AFAP1: variants seen among roughly 807,000 people sequenced by gnomAD.
AFAP1 encodes the protein actin filament associated protein 1.
In AFAP1, 75 loss-of-function variants were observed where a neutral mutation model predicts 93.9. That is an observed-to-expected ratio of 0.80 (90% CI 0.66 to 0.97). The LOEUF (loss-of-function observed/expected upper bound fraction) is 0.97. Ranked by LOEUF, AFAP1 falls within the 50% of genes least tolerant of loss-of-function variation. AFAP1 has a pLI of 0.00. For synonymous variants in AFAP1, 517 were observed against 430.7 expected (o/e 1.20, Z -2.48); for missense variants, 1,201 against 1,050.8 (o/e 1.14, Z -1.98).
chr4:7,827,154 G>C (rs1008483002), intron 6 of AFAP1, among the ~76,000 whole-genome samples: 1 of 152,120 alleles, frequency 6.6e-6, no homozygotes, highest in African/African-American at 2.4e-5. Context: ...GTAAGCCCGA[G>C]TACAGGTAAA....
intron 11 of AFAP1, among the ~76,000 whole-genome samples, chr4:7,791,739 T>G (rs919540335): frequency 2.6e-5 from 4 of 151,192 alleles, no homozygotes; most frequent in Non-Finnish European, 5.9e-5. Flanking sequence ...TGTAGTCCCA[T>G]TTGCTTAGGA....
chr4:7,780,453 T>C (rs1006737580), intron 13 of AFAP1, among the ~76,000 whole-genome samples: 15 of 152,252 alleles, frequency 9.9e-5, no homozygotes, highest in African/African-American at 3.6e-4. Flanking sequence ...GCCCATTTGC[T>C]ATATATTCAT....
rs1180322826 is a variant in AFAP1 at position 7,768,871 on chromosome 4, G to A, written c.2391C>T (p.Cys797=). ...TGGCCTTCCGCAGCACATGCCCTCG[G>A]CAGGGGGAGCTGCCCGGGGCAGCCT... is the stretch of plus-strand genomic sequence containing the variant. ...KSQAAPGSSP[C]RGHVLRKAKE... Residue 797 remains cysteine (C), a synonymous_variant, in exon 17 of 18, where the codon TGC becomes TGT. Coordinates refer to ENST00000420658, the MANE Select transcript of AFAP1 (RefSeq NM_001134647.2). The A allele has an allele frequency of 6.2e-7, 1 of 1,607,226 alleles. No homozygotes were observed. Among genetic ancestry groups the A allele is most frequent in the Middle Eastern group, 1.7e-4 (1 of 5,866 alleles).
intron 6 of AFAP1, among the ~76,000 whole-genome samples, chr4:7,823,732 T>C (rs1451038552): frequency 7.9e-5 from 12 of 152,188 alleles, no homozygotes. Context: ...CAGCCACGTT[T>C]GCTCTCTAAT....
chr4:7,939,425 CG>C lies in AFAP1; in HGVS notation c.-3+230del. The C allele has an allele frequency of 3.3e-6, 1 of 302,404 alleles. No individual in the cohort carries two copies. Among genetic ancestry groups the C allele is most frequent in the Non-Finnish European group, 6.4e-6 (1 of 155,430 alleles). The allele number at this position is 302,404 out of a possible 1,614,324, so 18.7% of individuals were successfully genotyped here. On this transcript the variant is annotated intron_variant, in intron 1 of 17. Transcript: ENST00000420658. This position sits in a 1 kb window ranked among gnomAD's most constrained non-coding sequence, Gnocchi z 5.6. The stretch of plus-strand genomic sequence containing the variant: ...CCACGCAGTCCCCTCCGGGCAGACG[CG>C]GGGAGCTGGGGAGCAGTGGGGACCG...
Position 7,768,971 on chromosome 4 carries a change from G to C in AFAP1, c.2291C>G (p.Pro764Arg), listed in dbSNP as rs1357592690. 2.5e-6 allele frequency: 4 copies of C among 1,613,722 alleles called. No individual in the cohort carries two copies. The highest frequency in any genetic ancestry group is 2.2e-5 in the South Asian group (2 of 91,030). The part of the protein sequence containing the change: ...VFRHRTLENS[P>R]ISSCDTSDTE... Reference sequence around the variant, plus strand: ...GTCACTGGTGTCACAGCTGGAGATGGGCGAGTTTTCCAGGGTCCGGTGCCG... The same window carrying C: ...GTCACTGGTGTCACAGCTGGAGATGCGCGAGTTTTCCAGGGTCCGGTGCCG... Residue 764 changes from proline (P) to arginine (R), a missense_variant, in exon 17 of 18, where the codon CCC (proline) becomes CGC (arginine). Transcript: ENST00000420658.
Position 7,781,522 on chromosome 4 carries a change from A to T in AFAP1, c.1636T>A (p.Phe546Ile). Residue 546 changes from phenylalanine (F) to isoleucine (I), a missense_variant, in exon 13 of 18, where the codon TTT (phenylalanine) becomes ATT (isoleucine). Transcript: ENST00000420658. ...CTGTCAGCAGGAGAGTAGCGGGCAA[A>T]GATGTGCGGAGGCGGCAAGTTATCG... ...LYDNLPPPHI[F>I]ARYSPADRKA... 1 of 1,552,226 alleles carries T rather than the reference A, an allele frequency of 6.4e-7. No homozygotes were observed. The highest frequency in any genetic ancestry group is 8.7e-7 in the Non-Finnish European group (1 of 1,147,112).
chr4:7,776,601 C>T (rs568446261), intron 14 of AFAP1: 35 of 152,168 alleles, frequency 2.3e-4, no homozygotes, highest in African/African-American at 7.7e-4. Context: ...ATTCTTGCAA[C>T]GTAAGTTATC....
At chr4:7,822,289 C>T (rs750423471) in intron 6 of AFAP1, among the ~76,000 whole-genome samples, 4 of 152,208 alleles carry the variant, frequency 2.6e-5, no homozygotes, top group Admixed American at 6.5e-5. Flanking sequence ...CTCAATAACA[C>T]GCACAAAATA....
At chr4:7,787,883 C>A (rs111663821) in intron 11 of AFAP1, among the ~76,000 whole-genome samples, 6 of 152,168 alleles carry the variant, frequency 3.9e-5, no homozygotes, top group Non-Finnish European at 8.8e-5. Flanking sequence ...CTGGCTCTCG[C>A]GGCTCCCCCA....
intron 11 of AFAP1, among the ~76,000 whole-genome samples, chr4:7,793,372 G>A (rs1007540748): frequency 6.6e-6 from 1 of 152,106 alleles, no homozygotes; most frequent in Non-Finnish European, 1.5e-5. Flanking sequence ...ACACCCATTC[G>A]TTTATGTACG....
At chr4:7,782,470 G>A (rs1375972499) in intron 12 of AFAP1, among the ~76,000 whole-genome samples, 1 of 152,220 alleles carries the variant, frequency 6.6e-6, no homozygotes, top group Non-Finnish European at 1.5e-5. Context: ...AAAATTAGAT[G>A]CTTCCAAATC....
chr4:7,785,087 C>T (rs1057209189), intron 12 of AFAP1, among the ~76,000 whole-genome samples: 2 of 152,200 alleles, frequency 1.3e-5, no homozygotes, highest in Non-Finnish European at 2.9e-5. Flanking sequence ...ACTGGTTTCT[C>T]ACAAGCCTCC....
Position 7,763,693 on chromosome 4 carries a change from C to T in AFAP1, c.*72G>A, listed in dbSNP as rs1714125899. On this transcript the variant is annotated 3_prime_UTR_variant, in exon 18 of 18. Coordinates refer to ENST00000420658, the MANE Select transcript of AFAP1 (RefSeq NM_001134647.2). ...CTGAGGCCACTCTGGGCAGAGCTTCCTGCCGTCACACAGATGAGGATACAG... is the reference window on the plus strand; with the variant it reads ...CTGAGGCCACTCTGGGCAGAGCTTCTTGCCGTCACACAGATGAGGATACAG... The T allele has an allele frequency of 8.4e-6, 13 of 1,540,784 alleles. No individual in the cohort carries two copies. In the Admixed American group the frequency reaches 1.6e-4, roughly 19 times the overall value.
Position 7,939,383 on chromosome 4 carries a change from G to A in AFAP1, c.-3+273C>T. The stretch of plus-strand genomic sequence containing the variant: ...AGCCACGCCGCGGGGGCACCGGGCA[G>A]GAGCCAGCGCCCGGGTCCACGCAGT... On this transcript the variant is annotated intron_variant, in intron 1 of 17. Transcript: ENST00000420658. This position sits in a 1 kb window ranked among gnomAD's most constrained non-coding sequence, Gnocchi z 5.6. The A allele has an allele frequency of 3.1e-6, 1 of 323,862 alleles. No individual in the cohort carries two copies. The highest frequency in any genetic ancestry group is 3.8e-5 in the Admixed American group (1 of 26,182). The allele number at this position is 323,862 out of a possible 1,614,324, so 20.1% of individuals were successfully genotyped here. A position where few individuals can be genotyped will look rare whatever the true frequency, so the allele number is the denominator to read the frequency against.
intron 4 of AFAP1, among the ~76,000 whole-genome samples, chr4:7,855,054 A>G (rs1714893548): frequency 6.6e-6 from 1 of 152,232 alleles, no homozygotes; most frequent in South Asian, 2.1e-4. Flanking sequence ...GCTGTACCCA[A>G]TTATTTCTGG....
chr4:7,844,260 A>C (rs1369647031), intron 4 of AFAP1, among the ~76,000 whole-genome samples: 1 of 151,500 alleles, frequency 6.6e-6, no homozygotes, highest in Non-Finnish European at 1.5e-5. Context: ...TCCTAATCCC[A>C]TAGGTCTGGT....
chr4:7,894,728 T>C (rs753410990), intron 1 of AFAP1, among the ~76,000 whole-genome samples: 6 of 151,720 alleles, frequency 4.0e-5, no homozygotes, highest in Non-Finnish European at 8.8e-5. Flanking sequence ...GATGAAGAGG[T>C]AGGTCTGAAA....
intron 1 of AFAP1, among the ~76,000 whole-genome samples, chr4:7,910,250 G>A (rs911761715): frequency 1.3e-5 from 2 of 152,184 alleles, no homozygotes. Flanking sequence ...GGGAAAAGCA[G>A]TGCAATACAG....
Sources: allele counts gnomAD v4.1 joint callset (sites outside exome capture counted in the v4.1 genomes callset), GRCh38; gene constraint gnomAD v4.1.1; non-coding constraint Gnocchi (gnomAD v3.1); transcripts MANE v1.5; gene names NCBI Gene and HGNC (gene_info 2026-07-23, HGNC 2026-07-21).